The following ANKRD12 variants were observed in gnomAD, a reference collection of about 807,000 sequenced individuals.
ANKRD12 encodes the protein ankyrin repeat domain-containing protein 12.
ANKRD12 carries 85 observed loss-of-function variants against 183.4 expected under a neutral mutation model. The observed-to-expected ratio is 0.46, with a 90% CI of 0.39 to 0.56. The LOEUF is 0.56. ANKRD12 is among the 20% of genes least tolerant of loss of function. The pLI, the probability that ANKRD12 is intolerant of heterozygous loss-of-function variation, is 0.00. For synonymous variants in ANKRD12, 914 were observed against 800.2 expected (o/e 1.14, Z -2.40); for missense variants, 2,405 against 2,357.1 (o/e 1.02, Z -0.42).
intron 9 of ANKRD12, chr18:9,260,506 C>G (rs1598734947): frequency 6.6e-6 from 1 of 152,140 alleles, no homozygotes; most frequent in South Asian, 2.1e-4. Context: ...TCTCCAAAAT[C>G]AAATGAACAG....
intron 12 of ANKRD12, among the ~76,000 whole-genome samples, chr18:9,280,617 C>T (rs1267199730): frequency 6.6e-6 from 1 of 152,066 alleles, no homozygotes; most frequent in Non-Finnish European, 1.5e-5. Context: ...GGTGAAACCC[C>T]ATCTCTAAGA....
chr18:9,234,712 C>G (rs2037243655), intron 8 of ANKRD12, among the ~76,000 whole-genome samples: 1 of 152,014 alleles, frequency 6.6e-6, no homozygotes. Flanking sequence ...CCAGTTCCAG[C>G]CGCTTAGGTA....
At chr18:9,171,589 AT>A (rs1409442613) in intron 1 of ANKRD12, among the ~76,000 whole-genome samples, 2 of 152,040 alleles carry the variant, frequency 1.3e-5, no homozygotes, top group Non-Finnish European at 2.9e-5. Flanking sequence ...TCCTTTCCAT[AT>A]TTAGTGCTTC....
chr18:9,185,111 A>G (rs561091433), intron 2 of ANKRD12, among the ~76,000 whole-genome samples: 3 of 152,374 alleles, frequency 2.0e-5, no homozygotes, highest in East Asian at 3.9e-4. Flanking sequence ...CGAAAGAAAC[A>G]GCAAATGAAA....
intron 10 of ANKRD12, among the ~76,000 whole-genome samples, chr18:9,267,299 C>T (rs2039348437): frequency 6.6e-6 from 1 of 152,142 alleles, no homozygotes; most frequent in African/African-American, 2.4e-5. Context: ...ACTCTCCACC[C>T]CAAATCAACA....
intron 8 of ANKRD12, among the ~76,000 whole-genome samples, chr18:9,243,892 T>G (rs539160964): frequency 1.3e-5 from 2 of 152,302 alleles, no homozygotes; most frequent in South Asian, 4.1e-4. Context: ...CCCAGCACTT[T>G]GGGGAGGCTG....
At chr18:9,224,007 C>T (rs1178209912) in intron 8 of ANKRD12, among the ~76,000 whole-genome samples, 1 of 152,014 alleles carries the variant, frequency 6.6e-6, no homozygotes, top group Non-Finnish European at 1.5e-5. Context: ...GACTGGAAAG[C>T]ACGTTTTCTA....
intron 1 of ANKRD12, among the ~76,000 whole-genome samples, chr18:9,171,592 T>G (rs2032732624): frequency 6.6e-6 from 1 of 152,156 alleles, no homozygotes; most frequent in South Asian, 2.1e-4. Context: ...TTTCCATATT[T>G]AGTGCTTCTT....
chr18:9,245,974 T>G (rs1455690099), intron 8 of ANKRD12, among the ~76,000 whole-genome samples: 1 of 152,206 alleles, frequency 6.6e-6, no homozygotes, highest in African/African-American at 2.4e-5. Flanking sequence ...GATTTGAAGA[T>G]GTAACTCTGC....
chr18:9,258,706 G>A lies in ANKRD12; in HGVS notation c.5439G>A (p.Leu1813=). The A allele has an allele frequency of 6.2e-7, 1 of 1,613,826 alleles. No homozygotes were observed. Among genetic ancestry groups the A allele is most frequent in the East Asian group, 2.2e-5 (1 of 44,874 alleles). Residue 1813 remains leucine, a synonymous_variant, in exon 9 of 13, where the codon CTG becomes CTA. Coordinates refer to ENST00000262126, the MANE Select transcript of ANKRD12 (RefSeq NM_015208.5). Reference sequence around the variant, plus strand: ...CAAAAGAGAAAACTCAGCAATCTCTGGCAGCCATTGTAGATTCTCTAAAAC... The same window carrying A: ...CAAAAGAGAAAACTCAGCAATCTCTAGCAGCCATTGTAGATTCTCTAAAAC... ...LQAKEKTQQS[L]AAIVDSLKLD...
intron 2 of ANKRD12, among the ~76,000 whole-genome samples, chr18:9,192,215 G>A (rs928822405): frequency 6.6e-6 from 1 of 152,102 alleles, no homozygotes; most frequent in Non-Finnish European, 1.5e-5. Flanking sequence ...AGCTCCATTG[G>A]CAGAAGTGAA....
At position 9,258,447 on chromosome 18, in the gene ANKRD12, CTG is replaced by C; in HGVS notation, c.5181_5182del (p.Glu1728LysfsTer9). 6.2e-7 allele frequency: 1 copy of C among 1,613,756 alleles called. No homozygotes were observed. Among genetic ancestry groups the C allele is most frequent in the Non-Finnish European group, 8.5e-7 (1 of 1,179,908 alleles). On this transcript the variant is annotated frameshift_variant, in exon 9 of 13. Transcript: ENST00000262126. LOFTEE classifies it high-confidence loss of function. ...GAAGAAAATGCCGAAGATGATAAAA[CTG>C]AAAACCAAATCCCTCAAAGAATGAC...
intron 1 of ANKRD12, among the ~76,000 whole-genome samples, chr18:9,157,127 T>TA (rs1309640006): frequency 6.6e-6 from 1 of 152,218 alleles, no homozygotes; most frequent in East Asian, 1.9e-4. Flanking sequence ...AGGATGGCGT[T>TA]ACATCCCAAC....
intron 8 of ANKRD12, among the ~76,000 whole-genome samples, chr18:9,251,779 C>T (rs934901039): frequency 2.0e-5 from 3 of 151,576 alleles, no homozygotes; most frequent in Admixed American, 2.0e-4. Context: ...GGCGACGGAG[C>T]GAGACTCCAT....
At chr18:9,182,813 CTT>C (rs964239215) in intron 2 of ANKRD12, among the ~76,000 whole-genome samples, 18 of 152,156 alleles carry the variant, frequency 1.2e-4, no homozygotes, top group Middle Eastern at 3.4e-3. Flanking sequence ...GTAATTCTGT[CTT>C]TTTATATCTA....
chr18:9,161,954 C>G (rs2031485397), intron 1 of ANKRD12, among the ~76,000 whole-genome samples: 1 of 152,010 alleles, frequency 6.6e-6, no homozygotes, highest in Non-Finnish European at 1.5e-5. Flanking sequence ...CTTTAAACTC[C>G]TGGGTGCAAG....
intron 4 of ANKRD12, among the ~76,000 whole-genome samples, chr18:9,206,696 C>A (rs973762466): frequency 6.6e-6 from 1 of 151,998 alleles, no homozygotes; most frequent in Non-Finnish European, 1.5e-5. Flanking sequence ...TGGAATATAT[C>A]CAATTTGTTT....
chr18:9,244,113 A>G (rs915361861), intron 8 of ANKRD12, among the ~76,000 whole-genome samples: 3 of 152,198 alleles, frequency 2.0e-5, no homozygotes, highest in African/African-American at 4.8e-5. Context: ...CAACCTGGAC[A>G]ACAAGAGCGA....
At chr18:9,212,853 C>A (rs543556159) in intron 6 of ANKRD12, among the ~76,000 whole-genome samples, 2 of 151,874 alleles carry the variant, frequency 1.3e-5, no homozygotes, top group South Asian at 4.2e-4. Flanking sequence ...TGATGGTAAA[C>A]ATTTCTTATG....
Sources: gnomAD v4.1 joint callset for allele counts (sites outside exome capture counted in the v4.1 genomes callset) on GRCh38, gnomAD v4.1.1 for gene constraint, MANE v1.5 for transcripts, NCBI Gene and HGNC (gene_info 2026-07-23, HGNC 2026-07-21) for gene names.